Variants in PDE10A observed in about 807,000 individuals in gnomAD.
PDE10A encodes cAMP and cAMP-inhibited cGMP 3',5'-cyclic phosphodiesterase 10A.
In PDE10A, 39 loss-of-function variants were observed where a neutral mutation model predicts 97.7. The ratio of observed to expected loss-of-function variants is 0.40; its 90% CI spans 0.31 to 0.52. The LOEUF is 0.52. Ranked by LOEUF, PDE10A falls within the 20% of genes least tolerant of loss-of-function variation. PDE10A has a pLI of 0.56. For synonymous variants in PDE10A, 371 were observed against 376.8 expected (o/e 0.98, Z 0.18); for missense variants, 731 against 1,047.8 (o/e 0.70, Z 4.17).
At chr6:165,543,088 T>G (rs1233352861) in intron 2 of PDE10A, among the ~76,000 whole-genome samples, 1 of 152,194 alleles carries the variant, frequency 6.6e-6, no homozygotes, top group Admixed American at 6.5e-5. Flanking sequence ...CTTTGTAAAA[T>G]ATAGTATCTT....
intron 1 of PDE10A, among the ~76,000 whole-genome samples, chr6:165,591,233 T>C (rs996319464): frequency 1.3e-5 from 2 of 152,204 alleles, no homozygotes; most frequent in Non-Finnish European, 2.9e-5. Flanking sequence ...TCCTAATGGC[T>C]GGCACAAAGG....
chr6:165,470,785 C>G (rs945242091), intron 3 of PDE10A, among the ~76,000 whole-genome samples: 1 of 149,450 alleles, frequency 6.7e-6, no homozygotes, highest in African/African-American at 2.5e-5. Flanking sequence ...TCTCTAAGCC[C>G]TTAAAGACTC....
At chr6:165,954,430 G>A (rs1335318554) in intron 1 of PDE10A, among the ~76,000 whole-genome samples, 1 of 152,186 alleles carries the variant, frequency 6.6e-6, no homozygotes, top group Non-Finnish European at 1.5e-5. Flanking sequence ...TTTGGTTCTA[G>A]ACATTCACAG....
rs1562686771 is a variant in PDE10A at position 165,691,075 on chromosome 6, T to TCTCTCTC, written c.-614-147508_-614-147507insGAGAGAG. On this transcript the variant is annotated intron_variant, in intron 1 of 19. Transcript: ENST00000366882. ...CCTTACAGTAATACTCTCTCTCTCT[T>TCTCTCTC]TCTCTCTCTCTCTCTCTCTCTCTTT... is the stretch of plus-strand genomic sequence containing the variant. 4.0e-4 allele frequency among the ~76,000 whole-genome samples: 20 copies of TCTCTCTC among 50,408 alleles called. No homozygotes were observed. The East Asian group carries it at 4.3e-3, about 11-fold the overall frequency. 33.1% of individuals were successfully genotyped at this position (50,408 alleles called of 152,430 possible). A position where few individuals can be genotyped will look rare whatever the true frequency, so the allele number is the denominator to read the frequency against.
rs960160937 is a variant in PDE10A at position 165,662,858 on chromosome 6, G to A, written c.-47C>T. 2.0e-5 allele frequency among the ~76,000 whole-genome samples: 3 copies of A among 150,540 alleles called. No individual in the cohort carries two copies. Among genetic ancestry groups the A allele is most frequent in the Non-Finnish European group, 3.0e-5 (2 of 67,398 alleles). On this transcript the variant is annotated 5_prime_UTR_variant, in exon 1 of 22. Transcript: ENST00000539869. The stretch of plus-strand genomic sequence containing the variant: ...GGGGCAGGCCGCGGGCGGGAGGGGC[G>A]CGGCGGGCCGGGGCTCGGTGGGCTC...
intron 1 of PDE10A, among the ~76,000 whole-genome samples, chr6:165,747,796 G>A (rs1412675689): frequency 1.2e-4 from 18 of 152,166 alleles, no homozygotes; most frequent in Admixed American, 2.0e-4. Context: ...ACAGGCAGAC[G>A]GAGGGAAGGA....
chr6:165,808,559 T>C (rs1779198969), intron 1 of PDE10A, among the ~76,000 whole-genome samples: 1 of 152,218 alleles, frequency 6.6e-6, no homozygotes, highest in East Asian at 1.9e-4. Flanking sequence ...CATTTCCAGC[T>C]TGTGATTCTA....
chr6:165,724,057 A>C (rs1792231280), intron 1 of PDE10A, among the ~76,000 whole-genome samples: 1 of 152,220 alleles, frequency 6.6e-6, no homozygotes, highest in Admixed American at 6.5e-5. Context: ...ATCAAAATTA[A>C]GACAAGAGGA....
At chr6:165,488,699 G>T (rs1199647703) in intron 2 of PDE10A, among the ~76,000 whole-genome samples, 6 of 152,104 alleles carry the variant, frequency 3.9e-5, no homozygotes, top group African/African-American at 1.2e-4. Context: ...CCTGGGGCAA[G>T]TTCTCAGCCC....
At chr6:165,884,989 C>A (rs543253664) in intron 1 of PDE10A, among the ~76,000 whole-genome samples, 1 of 152,244 alleles carries the variant, frequency 6.6e-6, no homozygotes, top group East Asian at 1.9e-4. Context: ...TACTGAATTC[C>A]GCCTAGACTG....
At chr6:165,539,401 C>T (rs1050428246) in intron 2 of PDE10A, among the ~76,000 whole-genome samples, 3 of 152,150 alleles carry the variant, frequency 2.0e-5, no homozygotes, top group Non-Finnish European at 2.9e-5. Context: ...AAAATCTCGT[C>T]GTAATCGCGC....
In PDE10A at chr6:165,655,494, T is replaced by C. The variant is rs1462982700; in HGVS notation, c.865+6453A>G. On this transcript the variant is annotated intron_variant, in intron 1 of 21. Coordinates refer to ENST00000539869, the MANE Select transcript of PDE10A (RefSeq NM_001385079.1). The surrounding 1 kb of genome is among the most constrained non-coding windows in gnomAD (Gnocchi z 4.5). ...CTTGATTCCTCTCTCTCCCTTGACG[T>C]CCCCATATCCAACCCACCTGCAGGT... Among the ~76,000 whole-genome samples the C allele has an allele frequency of 2.0e-5, 3 of 146,414 alleles. No individual in the cohort carries two copies. Among genetic ancestry groups the C allele is most frequent in the East Asian group, 4.2e-4 (2 of 4,796 alleles).
At chr6:165,962,299 C>A (rs1213586099) in intron 1 of PDE10A, among the ~76,000 whole-genome samples, 1 of 152,222 alleles carries the variant, frequency 6.6e-6, no homozygotes, top group Admixed American at 6.5e-5. Context: ...CACTGTCAGA[C>A]CTACTTGGTG....
intron 1 of PDE10A, among the ~76,000 whole-genome samples, chr6:165,906,514 G>C (rs368727819): frequency 3.4e-4 from 52 of 152,228 alleles, no homozygotes; most frequent in African/African-American, 1.2e-3. Flanking sequence ...AAATGAACTT[G>C]GTGGGTCCCA....
intron 1 of PDE10A, among the ~76,000 whole-genome samples, chr6:165,764,715 G>T (rs1007411565): frequency 6.6e-6 from 1 of 152,118 alleles, no homozygotes; most frequent in Non-Finnish European, 1.5e-5. Flanking sequence ...AGACCTTCCC[G>T]GTGAGTGTTA....
rs553791293 is a variant in PDE10A, at chr6:165,388,944, A to G, written c.2455-491T>C. On this transcript the variant is annotated intron_variant, in intron 16 of 21. Coordinates refer to ENST00000539869, the MANE Select transcript of PDE10A (RefSeq NM_001385079.1). This position sits in a 1 kb window ranked among gnomAD's most constrained non-coding sequence, Gnocchi z 4.0. Reference sequence around the variant, plus strand: ...AAAAAAAGGCAGAGCAGGCTAAAGGAAATTAGAGAAAGTCAGGCTGAGTAT... The same window carrying G: ...AAAAAAAGGCAGAGCAGGCTAAAGGGAATTAGAGAAAGTCAGGCTGAGTAT... 6.6e-5 allele frequency among the ~76,000 whole-genome samples: 10 copies of G among 152,352 alleles called. No homozygotes were observed. Among genetic ancestry groups the G allele is most frequent in the African/African-American group, 2.4e-4 (10 of 41,588 alleles).
chr6:165,750,898 C>T (rs2934842), intron 1 of PDE10A, among the ~76,000 whole-genome samples: 16,200 of 152,236 alleles, frequency 0.11, 1,076 homozygotes, highest in African/African-American at 0.19. Context: ...CACAGCATGT[C>T]TGTTATTGTG....
At chr6:165,980,302 A>C (rs2128503664) in intron 1 of PDE10A, among the ~76,000 whole-genome samples, 1 of 152,352 alleles carries the variant, frequency 6.6e-6, no homozygotes, top group Admixed American at 6.5e-5. Context: ...TCAAATAGTT[A>C]TCATTTCTTT....
At chr6:165,985,301 A>C (rs1785157625) in intron 1 of PDE10A, among the ~76,000 whole-genome samples, 1 of 152,262 alleles carries the variant, frequency 6.6e-6, no homozygotes, top group Admixed American at 6.5e-5. Context: ...ACTTTAAACC[A>C]AATCCAGAAA....
Sources: gnomAD v4.1 joint callset for allele counts (sites outside exome capture counted in the v4.1 genomes callset) on GRCh38, gnomAD v4.1.1 for gene constraint, Gnocchi (gnomAD v3.1) non-coding constraint, MANE v1.5 for transcripts, NCBI Gene and HGNC (gene_info 2026-07-23, HGNC 2026-07-21) for gene names.